IMMP2L: variants seen among roughly 807,000 people sequenced by gnomAD.
IMMP2L encodes the protein mitochondrial inner membrane protease subunit 2.
A neutral mutation model predicts 19.3 loss-of-function variants in IMMP2L; 18 were observed. The observed-to-expected ratio is 0.93, with a 90% CI of 0.64 to 1.38. The LOEUF is 1.38. Ranked by LOEUF, IMMP2L falls within the 40% of genes most tolerant of loss-of-function variation. IMMP2L has a pLI of 0.00. For synonymous variants in IMMP2L, 76 were observed against 73.0 expected (o/e 1.04, Z -0.21); for missense variants, 233 against 218.2 (o/e 1.07, Z -0.43).
chr7:111,204,545 C>A (rs184201952), intron 3 of IMMP2L, among the ~76,000 whole-genome samples: 35 of 152,144 alleles, frequency 2.3e-4, no homozygotes, highest in Non-Finnish European at 4.3e-4. Flanking sequence ...TTATAATGAT[C>A]TACCAGCTCT....
chr7:111,546,930 T>C (rs1274103540), intron 1 of IMMP2L, among the ~76,000 whole-genome samples: 1 of 152,310 alleles, frequency 6.6e-6, no homozygotes, highest in East Asian at 1.9e-4. Flanking sequence ...CGAGAACTTA[T>C]TGTCTATAAA....
chr7:110,726,585 C>T (rs1344573291), intron 5 of IMMP2L, among the ~76,000 whole-genome samples: 1 of 152,122 alleles, frequency 6.6e-6, no homozygotes, highest in Non-Finnish European at 1.5e-5. Flanking sequence ...AAAAGGGGAA[C>T]TTATTTGGAA....
At chr7:111,516,943 G>A (rs2132629046) in intron 2 of IMMP2L, among the ~76,000 whole-genome samples, 1 of 152,090 alleles carries the variant, frequency 6.6e-6, no homozygotes, top group East Asian at 1.9e-4. Context: ...TATCTTGGAA[G>A]TGCAAATTTA....
intron 3 of IMMP2L, among the ~76,000 whole-genome samples, chr7:111,032,941 G>A (rs1790979310): frequency 6.6e-6 from 1 of 152,018 alleles, no homozygotes; most frequent in African/African-American, 2.4e-5. Context: ...CCAACATGGT[G>A]AAACGCCATC....
intron 3 of IMMP2L, among the ~76,000 whole-genome samples, chr7:111,288,222 A>G (rs1820708710): frequency 6.6e-6 from 1 of 152,192 alleles, no homozygotes; most frequent in African/African-American, 2.4e-5. Context: ...GGTCAAAGGG[A>G]AGAGATATTC....
chr7:110,866,043 A>G (rs1807946506), intron 5 of IMMP2L, among the ~76,000 whole-genome samples: 1 of 152,010 alleles, frequency 6.6e-6, no homozygotes, highest in African/African-American at 2.4e-5. Flanking sequence ...CTGTCTAGCA[A>G]ACAGATTTCT....
intron 5 of IMMP2L, among the ~76,000 whole-genome samples, chr7:110,743,688 G>A (rs542815355): frequency 3.3e-5 from 5 of 152,272 alleles, no homozygotes; most frequent in Middle Eastern, 3.4e-3. Flanking sequence ...GCAAGGAGTC[G>A]GGGAACTCCC....
intron 5 of IMMP2L, among the ~76,000 whole-genome samples, chr7:110,782,105 G>T (rs914370031): frequency 6.6e-6 from 1 of 151,822 alleles, no homozygotes; most frequent in African/African-American, 2.4e-5. Context: ...TATTCTAGTC[G>T]GCAGGAAGAT....
intron 5 of IMMP2L, among the ~76,000 whole-genome samples, chr7:110,747,908 C>T (rs944581366): frequency 1.2e-4 from 18 of 152,154 alleles, no homozygotes; most frequent in African/African-American, 4.3e-4. Context: ...GGCAATCAGG[C>T]AAGAGAAAGA....
chr7:111,538,889 G>C (rs1264260414), intron 1 of IMMP2L, among the ~76,000 whole-genome samples: 1 of 150,150 alleles, frequency 6.7e-6, no homozygotes, highest in South Asian at 2.1e-4. Flanking sequence ...GGGAGGCTGA[G>C]GTGGGCAGAT....
chr7:111,495,715 G>T (rs1329508692), intron 2 of IMMP2L, among the ~76,000 whole-genome samples: 1 of 151,996 alleles, frequency 6.6e-6, no homozygotes. Context: ...TATTATTCTG[G>T]CTTTTTACTA....
rs542011230 is a variant in IMMP2L, at chr7:110,738,773, G to A, written c.409-75052C>T. On this transcript the variant is annotated intron_variant, in intron 5 of 5. Coordinates refer to ENST00000405709, the MANE Select transcript of IMMP2L (RefSeq NM_032549.4). ...CCTTGCCTAGGCACATAGTCATCAG[G>A]TTATCTAAAGACAAAGGAAAGAATC... 1.2e-3 allele frequency among the ~76,000 whole-genome samples: 182 copies of A among 152,288 alleles called. 1 individual carries two copies. The highest frequency in any genetic ancestry group is 4.2e-3 in the African/African-American group (175 of 41,574).
At chr7:111,500,645 C>A (rs1844122178) in intron 2 of IMMP2L, among the ~76,000 whole-genome samples, 1 of 152,162 alleles carries the variant, frequency 6.6e-6, no homozygotes, top group African/African-American at 2.4e-5. Context: ...ATTTGCGGAT[C>A]ACCAACATCC....
intron 5 of IMMP2L, among the ~76,000 whole-genome samples, chr7:110,746,605 A>G (rs968593095): frequency 6.6e-6 from 1 of 152,228 alleles, no homozygotes; most frequent in Non-Finnish European, 1.5e-5. Context: ...AACTCACTCA[A>G]AACTGCACAA....
chr7:111,216,067 C>T (rs1413642126), intron 3 of IMMP2L, among the ~76,000 whole-genome samples: 1 of 152,130 alleles, frequency 6.6e-6, no homozygotes, highest in African/African-American at 2.4e-5. Context: ...ACAAATACAT[C>T]TTCATTCTCT....
intron 5 of IMMP2L, among the ~76,000 whole-genome samples, chr7:110,676,298 T>C (rs1792292670): frequency 6.6e-6 from 1 of 152,238 alleles, no homozygotes; most frequent in Non-Finnish European, 1.5e-5. Flanking sequence ...TTCAACTCTG[T>C]ACTTGCAGCA....
At chr7:111,155,168 T>C (rs550683519) in intron 3 of IMMP2L, among the ~76,000 whole-genome samples, 30 of 152,284 alleles carry the variant, frequency 2.0e-4, no homozygotes, top group African/African-American at 7.2e-4. Context: ...TTTCTGTTTC[T>C]GAATTTGTTG....
intron 2 of IMMP2L, among the ~76,000 whole-genome samples, chr7:111,503,954 T>G (rs1844601938): frequency 6.6e-6 from 1 of 152,026 alleles, no homozygotes; most frequent in Admixed American, 6.6e-5. Flanking sequence ...CAACATAGTG[T>G]TGGAAATTCT....
intron 5 of IMMP2L, among the ~76,000 whole-genome samples, chr7:110,726,068 G>T (rs1007574818): frequency 6.6e-6 from 1 of 152,160 alleles, no homozygotes; most frequent in Non-Finnish European, 1.5e-5. Context: ...TTGTGGAGCT[G>T]GAATTTGATC....
Sources: gnomAD v4.1 joint callset for allele counts (sites outside exome capture counted in the v4.1 genomes callset) on GRCh38, gnomAD v4.1.1 for gene constraint, MANE v1.5 for transcripts, NCBI Gene and HGNC (gene_info 2026-07-23, HGNC 2026-07-21) for gene names.